The following MAPKAPK3 variants were observed in gnomAD, a reference collection of about 807,000 sequenced individuals.
The protein encoded by MAPKAPK3 is MAP kinase-activated protein kinase 3.
A neutral mutation model predicts 49.2 loss-of-function variants in MAPKAPK3; 35 were observed. The observed-to-expected ratio is 0.71, with a 90% confidence interval of 0.54 to 0.94. MAPKAPK3 has a LOEUF of 0.94. Ranked by LOEUF, MAPKAPK3 falls within the 40% of genes least tolerant of loss-of-function variation. The pLI is 0.00. For synonymous variants in MAPKAPK3, 178 were observed against 188.7 expected (o/e 0.94, Z 0.46); for missense variants, 398 against 493.1 (o/e 0.81, Z 1.83).
chr3:50,616,290 T>C, upstream of MAPKAPK3, among the ~76,000 whole-genome samples: 1 of 151,764 alleles, frequency 6.6e-6, no homozygotes, highest in South Asian at 2.1e-4. Flanking sequence ...AGACAAGTTG[T>C]TTTCTCCCCA....
chr3:50,612,002 G>T (rs991793213), exon 1 of MAPKAPK3: 1 of 312,142 alleles, frequency 3.2e-6, no homozygotes, highest in African/African-American at 2.2e-5. Flanking sequence ...AGATTTCCAA[G>T]AACTTTCCAG....
At chr3:50,631,009 G>A (rs556831175) in intron 2 of MAPKAPK3, among the ~76,000 whole-genome samples, 1 of 152,316 alleles carries the variant, frequency 6.6e-6, no homozygotes, top group Non-Finnish European at 1.5e-5. Flanking sequence ...GACGTTTGGG[G>A]TCAGTGGTAT....
intron 7 of MAPKAPK3, 31 bp from the exon 8 acceptor site, chr3:50,646,109 C>A (rs1324874756): frequency 6.2e-7 from 1 of 1,608,132 alleles, no homozygotes. Context: ...CTGCTCCCAC[C>A]CTATGCCAAA....
intron 2 of MAPKAPK3, among the ~76,000 whole-genome samples, chr3:50,623,214 GCC>G (rs2032651639): frequency 6.6e-6 from 1 of 152,238 alleles, no homozygotes; most frequent in African/African-American, 2.4e-5. Context: ...TAGTTTCACT[GCC>G]CCCTGGGTTC....
intron 2 of MAPKAPK3, among the ~76,000 whole-genome samples, chr3:50,623,644 A>G (rs532926859): frequency 3.3e-4 from 51 of 152,342 alleles, no homozygotes; most frequent in African/African-American, 1.2e-3. Flanking sequence ...TGTCTTACCT[A>G]ACTCTTATCA....
At chr3:50,614,234 G>T (rs149208648), upstream of MAPKAPK3, 430 of 152,418 alleles carry the variant, frequency 2.8e-3, 5 homozygotes, top group Non-Finnish European at 5.2e-3. Context: ...AGAAACCCTG[G>T]CTCTGATTGC....
intron 5 of MAPKAPK3, among the ~76,000 whole-genome samples, chr3:50,642,778 A>C (rs1037861866): frequency 1.3e-5 from 2 of 152,204 alleles, no homozygotes; most frequent in African/African-American, 4.8e-5. Flanking sequence ...TCAGCAAGAA[A>C]TTTTGTGTGG....
At chr3:50,613,114 G>A (rs986245976), upstream of MAPKAPK3, among the ~76,000 whole-genome samples, 2 of 151,812 alleles carry the variant, frequency 1.3e-5, no homozygotes, top group Non-Finnish European at 2.9e-5. Flanking sequence ...GAGGTTGCAG[G>A]GTCCACTCCC....
At chr3:50,644,121 G>A (rs1390454753) in intron 5 of MAPKAPK3, among the ~76,000 whole-genome samples, 1 of 152,190 alleles carries the variant, frequency 6.6e-6, no homozygotes, top group Non-Finnish European at 1.5e-5. Context: ...TCATGGCAAT[G>A]TCACCAACTC....
upstream of MAPKAPK3, chr3:50,611,766 A>G: frequency 7.4e-7 from 1 of 1,345,528 alleles, no homozygotes; most frequent in Non-Finnish European, 9.6e-7. Flanking sequence ...CGGGCGCAGG[A>G]CAGGGACTGA....
rs1473215021 is a variant in MAPKAPK3 at position 50,646,777 on chromosome 3, C to T, written c.867C>T (p.Pro289=). The T allele has an allele frequency of 3.1e-6, 5 of 1,613,998 alleles. No homozygotes were observed. The African/African-American group carries it at 5.3e-5, about 17-fold the overall frequency. Residue 289 remains proline, a synonymous_variant, in exon 9 of 11, where the codon CCC becomes CCT. Coordinates refer to ENST00000621469, the MANE Select transcript of MAPKAPK3 (RefSeq NM_001243925.2). ...TCCGCCTCCTGTTGAAGACAGACCC[C>T]ACAGAGAGGCTGACCATCACTCAGT... The part of the protein sequence containing the change: ...QLIRLLLKTD[P]TERLTITQFM...
At chr3:50,630,501 G>T (rs2032877051) in intron 2 of MAPKAPK3, among the ~76,000 whole-genome samples, 1 of 152,366 alleles carries the variant, frequency 6.6e-6, no homozygotes, top group Non-Finnish European at 1.5e-5. Context: ...TCTGAAAATG[G>T]TGGCTAACAA....
chr3:50,640,530 C>T (rs1276651456), intron 3 of MAPKAPK3, 25 bp downstream of exon 3: 1 of 1,584,138 alleles, frequency 6.3e-7, no homozygotes, highest in South Asian at 1.1e-5. Context: ...CCTGTCTCCA[C>T]ACCCCCTCGG....
At chr3:50,646,676 G>C in intron 8 of MAPKAPK3, 64 bp from the exon 9 acceptor site, 1 of 1,443,914 alleles carries the variant, frequency 6.9e-7, no homozygotes, top group East Asian at 2.3e-5. Flanking sequence ...TGTGGTCTGT[G>C]GGGAAGGGTG....
intron 2 of MAPKAPK3, among the ~76,000 whole-genome samples, chr3:50,623,594 C>T (rs191397668): frequency 3.9e-5 from 6 of 152,336 alleles, no homozygotes; most frequent in South Asian, 2.1e-4. Flanking sequence ...TTCTGCCCAG[C>T]GGGCCCTGTC....
At position 50,648,314 on chromosome 3, in the gene MAPKAPK3, C is replaced by T. The variant is rs978553205; in HGVS notation, c.*268C>T. The T allele has an allele frequency of 2.0e-5, 8 of 404,872 alleles. No homozygotes were observed. In the Admixed American group the frequency reaches 2.1e-4, roughly 11 times the overall value. The allele number at this position is 404,872 out of a possible 1,614,324, so 25.1% of individuals were successfully genotyped here. On this transcript the variant is annotated 3_prime_UTR_variant, in exon 11 of 11. Transcript: ENST00000621469. ...AGCAGCACCTTTAGCTAGGTTGGCCCGAGTGAGGCCTCTGTGCTGTCCTGC... is the reference window on the plus strand; with the variant it reads ...AGCAGCACCTTTAGCTAGGTTGGCCTGAGTGAGGCCTCTGTGCTGTCCTGC...
intron 2 of MAPKAPK3, among the ~76,000 whole-genome samples, chr3:50,620,117 C>T (rs1044704652): frequency 1.3e-5 from 2 of 152,210 alleles, no homozygotes; most frequent in African/African-American, 4.8e-5. Flanking sequence ...TTGGGCTAAG[C>T]ACAACCTCTG....
intron 2 of MAPKAPK3, among the ~76,000 whole-genome samples, chr3:50,637,166 C>T (rs1462768032): frequency 6.6e-6 from 1 of 152,098 alleles, no homozygotes; most frequent in Non-Finnish European, 1.5e-5. Flanking sequence ...TACCGCCCTC[C>T]TTCTTTCCCT....
At chr3:50,611,591 C>T (rs1327963423), upstream of MAPKAPK3, 19 of 1,522,944 alleles carry the variant, frequency 1.2e-5, no homozygotes, top group South Asian at 2.2e-4. Flanking sequence ...CCCGTGCGCC[C>T]CTCGTGGTGG....
Sources: allele counts gnomAD v4.1 joint callset (sites outside exome capture counted in the v4.1 genomes callset), GRCh38; gene constraint gnomAD v4.1.1; transcripts MANE v1.5; gene names NCBI Gene and HGNC (gene_info 2026-07-23, HGNC 2026-07-21).